The following PGR variants were observed in gnomAD, a reference collection of about 807,000 sequenced individuals.
PGR encodes the protein progesterone receptor, also known as nuclear receptor subfamily 3 group C member 3.
Under a neutral mutation model 76.1 loss-of-function variants are expected in PGR, and 25 were observed. The ratio of observed to expected loss-of-function variants is 0.33; its 90% confidence interval spans 0.24 to 0.46. The LOEUF (loss-of-function observed/expected upper bound fraction) is 0.46, where lower values mean the gene tolerates loss of function less well. Among genes scored for constraint, PGR ranks in the 20% least tolerant of loss-of-function variants. PGR has a pLI of 1.00. For synonymous variants in PGR, 579 were observed against 535.0 expected (o/e 1.08, Z -1.14); for missense variants, 1,172 against 1,225.3 (o/e 0.96, Z 0.65).
chr11:101,064,684 T>G (rs767851307), intron 3 of PGR, among the ~76,000 whole-genome samples: 1 of 152,196 alleles, frequency 6.6e-6, no homozygotes, highest in Non-Finnish European at 1.5e-5. Context: ...CAGTGTCTTT[T>G]GGCAATACAT....
intron 4 of PGR, 152 bp downstream of exon 4, chr11:101,062,295 G>A: frequency 1.6e-6 from 1 of 643,980 alleles, no homozygotes; most frequent in South Asian, 2.0e-5. Context: ...TAGGGTCCTA[G>A]ACAAATATTT....
intron 3 of PGR, among the ~76,000 whole-genome samples, chr11:101,085,524 C>CAAAAAAAAAA (rs1861463966): frequency 7.0e-5 from 1 of 14,306 alleles, no homozygotes. Flanking sequence ...CCTAGAGGAA[C>CAAAAAAAAAA]TAAAAAAAAA....
chr11:101,047,122 G>A (rs1465255597), intron 6 of PGR, among the ~76,000 whole-genome samples: 61 of 152,234 alleles, frequency 4.0e-4, no homozygotes, highest in Non-Finnish European at 8.8e-5. Context: ...TATGGTATGT[G>A]AGTGGAAGTT....
chr11:101,055,272 G>C (rs1384591665), intron 4 of PGR, among the ~76,000 whole-genome samples: 1 of 151,798 alleles, frequency 6.6e-6, no homozygotes, highest in Non-Finnish European at 1.5e-5. Context: ...AATTAGCTAG[G>C]TGTGGTGGTG....
intron 2 of PGR, among the ~76,000 whole-genome samples, chr11:101,107,638 C>T (rs925843825): frequency 6.6e-6 from 1 of 152,050 alleles, no homozygotes; most frequent in Non-Finnish European, 1.5e-5. Flanking sequence ...TGTTCATGTC[C>T]TTGTGCTACT....
intron 4 of PGR, among the ~76,000 whole-genome samples, chr11:101,057,525 G>A (rs553567818): frequency 5.3e-5 from 8 of 152,272 alleles, no homozygotes; most frequent in African/African-American, 1.7e-4. Flanking sequence ...TTAGAAAAAT[G>A]ATTCTGGGGG....
chr11:101,038,924 T>A lies in PGR; in HGVS notation c.*192A>T. 2 of 506,962 alleles carry A rather than the reference T, an allele frequency of 3.9e-6. No homozygotes were observed. The highest frequency in any genetic ancestry group is 6.4e-5 in the East Asian group (2 of 31,208). 31.4% of individuals were successfully genotyped at this position (506,962 alleles called of 1,614,324 possible). ...AAGAAAATATGGGTAAACAAAACAGTTAAACATTCTAATTATACTTTATAA... is the reference window on the plus strand; with the variant it reads ...AAGAAAATATGGGTAAACAAAACAGATAAACATTCTAATTATACTTTATAA... On this transcript the variant is annotated 3_prime_UTR_variant, in exon 8 of 8. Transcript: ENST00000325455.
intron 7 of PGR, among the ~76,000 whole-genome samples, chr11:101,040,964 C>T (rs192099357): frequency 6.6e-5 from 10 of 151,898 alleles, no homozygotes; most frequent in African/African-American, 2.2e-4. Context: ...TTTTCCTTTC[C>T]ATTTCAGCCC....
At chr11:101,054,588 G>A (rs939160372) in intron 4 of PGR, among the ~76,000 whole-genome samples, 1 of 152,120 alleles carries the variant, frequency 6.6e-6, no homozygotes, top group African/African-American at 2.4e-5. Flanking sequence ...TTTCTAAAGG[G>A]AGGCACATAT....
At position 101,126,000 on chromosome 11, in the gene PGR, A is replaced by C. The variant is rs1591436700; in HGVS notation, c.1789+7T>G. The C allele has an allele frequency of 1.9e-6, 3 of 1,613,302 alleles. No homozygotes were observed. The highest frequency in any genetic ancestry group is 2.5e-6 in the Non-Finnish European group (3 of 1,179,260). On this transcript the variant is annotated splice_region_variant and intron_variant, in intron 2 of 7. Coordinates refer to ENST00000325455, the MANE Select transcript of PGR (RefSeq NM_000926.4). Reference sequence around the variant, plus strand: ...CAATAATAAAGGATCAGGGGAAAGGAGCCTACCTTCCATTGCCCTCTTAAA... The same window carrying C: ...CAATAATAAAGGATCAGGGGAAAGGCGCCTACCTTCCATTGCCCTCTTAAA...
chr11:101,051,850 A>G (rs1039775752), intron 4 of PGR, among the ~76,000 whole-genome samples: 1 of 152,126 alleles, frequency 6.6e-6, no homozygotes, highest in African/African-American at 2.4e-5. Flanking sequence ...CACCCATTTA[A>G]TAAGAACCAT....
At chr11:101,089,661 G>A (rs1365463119) in intron 3 of PGR, among the ~76,000 whole-genome samples, 1 of 144,108 alleles carries the variant, frequency 6.9e-6, no homozygotes, top group East Asian at 2.4e-4. Flanking sequence ...AAGGGATGGG[G>A]TGCAAATTAG....
At position 101,038,056 on chromosome 11, in the gene PGR, A is replaced by G. The variant is rs542997507; in HGVS notation, c.*1060T>C. The stretch of plus-strand genomic sequence containing the variant: ...TTGAAACATGCATGGAATTTGTGTC[A>G]AAGGGGGAAAATTCTGGAAGAAATT... On this transcript the variant is annotated 3_prime_UTR_variant, in exon 8 of 8. Coordinates refer to ENST00000325455, the MANE Select transcript of PGR (RefSeq NM_000926.4). The G allele has an allele frequency of 1.5e-4, 31 of 203,854 alleles. No homozygotes were observed. The East Asian group carries it at 2.3e-3, about 15-fold the overall frequency. 12.6% of individuals were successfully genotyped at this position (203,854 alleles called of 1,614,324 possible). A position where few individuals can be genotyped will look rare whatever the true frequency, so the allele number is the denominator to read the frequency against.
intron 2 of PGR, among the ~76,000 whole-genome samples, chr11:101,092,308 C>A (rs960249696): frequency 6.6e-6 from 1 of 152,050 alleles, no homozygotes. Context: ...ATTGAAGAGG[C>A]CTCTGGAAAA....
At chr11:101,071,552 C>T (rs943816393) in intron 3 of PGR, among the ~76,000 whole-genome samples, 1 of 151,782 alleles carries the variant, frequency 6.6e-6, no homozygotes, top group African/African-American at 2.4e-5. Flanking sequence ...CATGTTCTAA[C>T]CCAATGCAAG....
At chr11:101,094,738 T>C (rs996040003) in intron 2 of PGR, among the ~76,000 whole-genome samples, 7 of 152,234 alleles carry the variant, frequency 4.6e-5, no homozygotes, top group African/African-American at 1.7e-4. Context: ...TACAATTTGA[T>C]AATCATGCAT....
At chr11:101,095,459 C>T (rs1861805792) in intron 2 of PGR, among the ~76,000 whole-genome samples, 1 of 152,188 alleles carries the variant, frequency 6.6e-6, no homozygotes, top group Non-Finnish European at 1.5e-5. Flanking sequence ...GAGCTATTGA[C>T]ATATATTAAC....
intron 2 of PGR, among the ~76,000 whole-genome samples, chr11:101,122,189 A>G (rs1591433858): frequency 6.6e-6 from 1 of 150,616 alleles, no homozygotes; most frequent in Non-Finnish European, 1.5e-5. Flanking sequence ...AATATGCAAT[A>G]CAATTGAAAA....
At chr11:101,040,598 T>C (rs1859664395) in intron 7 of PGR, among the ~76,000 whole-genome samples, 1 of 152,094 alleles carries the variant, frequency 6.6e-6, no homozygotes, top group African/African-American at 2.4e-5. Flanking sequence ...GCTTCCAGTG[T>C]TGCTGCAGAG....
Sources: allele counts gnomAD v4.1 joint callset (sites outside exome capture counted in the v4.1 genomes callset), GRCh38; gene constraint gnomAD v4.1.1; transcripts MANE v1.5; gene names NCBI Gene and HGNC (gene_info 2026-07-23, HGNC 2026-07-21).